Variants in IQGAP2 observed in about 807,000 individuals in gnomAD.
The protein encoded by IQGAP2 is IQ motif containing GTPase activating protein 2.
Under a neutral mutation model 201.3 loss-of-function variants are expected in IQGAP2, and 173 were observed. That is an observed-to-expected ratio of 0.86 (90% CI 0.76 to 0.98). IQGAP2 has a LOEUF of 0.98. IQGAP2 is among the 50% of genes least tolerant of loss of function. The probability of loss-of-function intolerance (pLI) is 0.00; values close to 1 mark genes in which losing one functional copy is unlikely to be tolerated. For synonymous variants in IQGAP2, 675 were observed against 673.9 expected, an observed-to-expected ratio of 1.00 and a Z score of -0.03; for missense variants, 1,687 against 1,864.8, an observed-to-expected ratio of 0.90 and a Z score of 1.76.
intron 17 of IQGAP2, among the ~76,000 whole-genome samples, chr5:76,643,755 C>A (rs1751779228): frequency 6.6e-6 from 1 of 152,096 alleles, no homozygotes; most frequent in Non-Finnish European, 1.5e-5. Flanking sequence ...TGAACTTCAG[C>A]TCAGGGAGTG....
intron 1 of IQGAP2, among the ~76,000 whole-genome samples, chr5:76,456,316 A>G (rs905852804): frequency 6.6e-6 from 1 of 152,232 alleles, no homozygotes; most frequent in Admixed American, 6.5e-5. Flanking sequence ...GTTTACTAAC[A>G]ACTTCGGCCT....
At chr5:76,671,689 GAAAA>G (rs34357630) in intron 23 of IQGAP2, 66 bp from the exon 24 acceptor site, 2,523 of 807,074 alleles carry the variant, frequency 3.1e-3, no homozygotes, top group East Asian at 3.8e-3. Flanking sequence ...CTGTCTCGGG[GAAAA>G]AAAAAAAAAA....
At position 76,596,723 on chromosome 5, in the gene IQGAP2, G is replaced by A. The variant is rs1229700507; in HGVS notation, c.908-716G>A. ...AGGGGGAAGCGTTACACACTTAACC[G>A]TATCTCGTGAGAACTCACTATCATC... On this transcript the variant is annotated intron_variant, in intron 9 of 35. Transcript: ENST00000274364. Among the ~76,000 whole-genome samples the A allele has an allele frequency of 3.9e-5, 6 of 152,288 alleles. No individual in the cohort carries two copies. In the East Asian group the frequency reaches 9.7e-4, roughly 25 times the overall value.
At chr5:76,599,168 G>A (rs1481708757) in intron 10 of IQGAP2, among the ~76,000 whole-genome samples, 1 of 151,942 alleles carries the variant, frequency 6.6e-6, no homozygotes, top group African/African-American at 2.4e-5. Flanking sequence ...GATCACTTGA[G>A]GCCAGGAGTT....
intron 17 of IQGAP2, among the ~76,000 whole-genome samples, chr5:76,648,385 C>T (rs1283759751): frequency 6.6e-6 from 1 of 152,140 alleles, no homozygotes; most frequent in African/African-American, 2.4e-5. Context: ...AAAACAATGT[C>T]AGGAAAAGCC....
intron 2 of IQGAP2, among the ~76,000 whole-genome samples, chr5:76,551,189 G>T (rs1354232433): frequency 6.9e-6 from 1 of 145,406 alleles, no homozygotes. Context: ...GGGCAGAGAC[G>T]CTCCTCACCT....
intron 1 of IQGAP2, among the ~76,000 whole-genome samples, chr5:76,444,910 G>A (rs1753284766): frequency 6.6e-6 from 1 of 152,102 alleles, no homozygotes; most frequent in African/African-American, 2.4e-5. Context: ...AAGCAAAATT[G>A]TATCTTCTCT....
chr5:76,445,058 C>G (rs1753295831), intron 1 of IQGAP2, among the ~76,000 whole-genome samples: 1 of 152,074 alleles, frequency 6.6e-6, no homozygotes, highest in Non-Finnish European at 1.5e-5. Context: ...GTGATGAGCC[C>G]TTTGAATATT....
intron 4 of IQGAP2, among the ~76,000 whole-genome samples, chr5:76,574,769 T>C (rs1411927277): frequency 6.6e-6 from 1 of 152,200 alleles, no homozygotes; most frequent in East Asian, 1.9e-4. Flanking sequence ...CCTTTCAGTC[T>C]AGTAATTTCA....
chr5:76,671,149 T>C (rs189193620), intron 23 of IQGAP2, among the ~76,000 whole-genome samples: 1 of 152,106 alleles, frequency 6.6e-6, no homozygotes, highest in Non-Finnish European at 1.5e-5. Flanking sequence ...TAATCCGAGC[T>C]ACTCAGGAGG....
chr5:76,666,019 CTTTG>C (rs1222971228), intron 22 of IQGAP2, among the ~76,000 whole-genome samples: 2 of 152,192 alleles, frequency 1.3e-5, no homozygotes, highest in Admixed American at 6.5e-5. Context: ...ATGCTTAGAT[CTTTG>C]TTTGAGGATG....
At chr5:76,605,881 A>C (rs1010185095) in intron 11 of IQGAP2, among the ~76,000 whole-genome samples, 1 of 152,240 alleles carries the variant, frequency 6.6e-6, no homozygotes, top group Non-Finnish European at 1.5e-5. Context: ...ATTAGTAACT[A>C]GGGAAAAGTA....
At chr5:76,557,760 G>A (rs1041842551) in intron 2 of IQGAP2, among the ~76,000 whole-genome samples, 4 of 152,080 alleles carry the variant, frequency 2.6e-5, no homozygotes. Context: ...ATTTTAAATA[G>A]GTTGTAGCTA....
intron 5 of IQGAP2, among the ~76,000 whole-genome samples, chr5:76,577,130 C>T (rs1280284522): frequency 2.0e-5 from 3 of 152,170 alleles, no homozygotes; most frequent in Non-Finnish European, 2.9e-5. Flanking sequence ...GTCGCATGCT[C>T]GTGGGCTGTC....
At chr5:76,690,643 G>C (rs1746185012) in intron 30 of IQGAP2, among the ~76,000 whole-genome samples, 1 of 152,046 alleles carries the variant, frequency 6.6e-6, no homozygotes, top group Non-Finnish European at 1.5e-5. Context: ...TTTTCTAGAA[G>C]CCTTATTTTA....
intron 9 of IQGAP2, among the ~76,000 whole-genome samples, chr5:76,594,433 G>T (rs1353545609): frequency 1.3e-5 from 2 of 151,986 alleles, no homozygotes; most frequent in Non-Finnish European, 2.9e-5. Flanking sequence ...ATGCCAAATT[G>T]GCTATACTTT....
rs1032528964 is a variant in IQGAP2, at chr5:76,695,568, A to C, written c.4108A>C (p.Lys1370Gln). The C allele has an allele frequency of 1.9e-6, 3 of 1,614,020 alleles. No homozygotes were observed. Among genetic ancestry groups the C allele is most frequent in the African/African-American group, 1.3e-5 (1 of 74,954 alleles). The change falls in exon 32 of 36, where the codon AAG (lysine) becomes CAG (glutamine). Residue 1370 changes from lysine (K) to glutamine (Q), a missense_variant. Transcript: ENST00000274364. ...IEDAQLPLEQ[K>Q]KRKIQRNLRT... Reference sequence around the variant, plus strand: ...AGATGCACAGCTGCCTCTTGAGCAGAAGAAGAGGAAAATCCAGAGGAATCT... The same window carrying C: ...AGATGCACAGCTGCCTCTTGAGCAGCAGAAGAGGAAAATCCAGAGGAATCT...
chr5:76,478,181 C>G (rs369579007), intron 2 of IQGAP2, among the ~76,000 whole-genome samples: 3 of 152,074 alleles, frequency 2.0e-5, no homozygotes, highest in Non-Finnish European at 4.4e-5. Context: ...GGGTGGATCA[C>G]CTGAGGCCAA....
At chr5:76,661,364 G>A (rs1319695213) in intron 21 of IQGAP2, among the ~76,000 whole-genome samples, 1 of 152,016 alleles carries the variant, frequency 6.6e-6, no homozygotes, top group South Asian at 2.1e-4. Context: ...TGGAGGCACA[G>A]GAGCCAAAAA....
Sources: allele counts gnomAD v4.1 joint callset (sites outside exome capture counted in the v4.1 genomes callset), GRCh38; gene constraint gnomAD v4.1.1; transcripts MANE v1.5; gene names NCBI Gene and HGNC (gene_info 2026-07-23, HGNC 2026-07-21).